DCHS2: variants seen among roughly 807,000 people sequenced by gnomAD.
DCHS2 encodes the protein dachsous cadherin-related 2.
DCHS2 carries 142 observed loss-of-function variants against 182.4 expected under a neutral mutation model. That is an observed-to-expected ratio of 0.78 (90% CI 0.68 to 0.89). The LOEUF (loss-of-function observed/expected upper bound fraction) is 0.89, where lower values mean the gene tolerates loss of function less well. Among genes scored for constraint, DCHS2 ranks in the 40% least tolerant of loss-of-function variants. The pLI is 0.00. For synonymous variants in DCHS2, 1,740 were observed against 1,663.3 expected, an observed-to-expected ratio of 1.05 and a Z score of -1.12; for missense variants, 4,319 against 4,198.6, an observed-to-expected ratio of 1.03 and a Z score of -0.79.
At chr4:154,439,767 C>T (rs1032336) in intron 1 of DCHS2, among the ~76,000 whole-genome samples, 69,885 of 151,944 alleles carry the variant, frequency 0.46, 16,569 homozygotes, top group Middle Eastern at 0.69. Flanking sequence ...TAACAAAATC[C>T]AGAGGTGTAT....
intron 3 of DCHS2, among the ~76,000 whole-genome samples, chr4:154,361,613 C>G (rs1730126377): frequency 1.3e-5 from 2 of 151,890 alleles, no homozygotes; most frequent in South Asian, 4.2e-4. Flanking sequence ...GAAATGAAGG[C>G]TCAACTCAGT....
rs903003710 is a variant in DCHS2, at chr4:154,314,750, C to T, written c.5260+998G>A. Reference sequence around the variant, plus strand: ...AAAATATTACATTGATATATAATGCCATTTGCTATATACAAACGTAAATTT... The same window carrying T: ...AAAATATTACATTGATATATAATGCTATTTGCTATATACAAACGTAAATTT... On this transcript the variant is annotated intron_variant, in intron 10 of 19. Transcript: ENST00000357232. Among the ~76,000 whole-genome samples the T allele has an allele frequency of 3.3e-5, 5 of 152,056 alleles. No homozygotes were observed. In the South Asian group the frequency reaches 6.3e-4, roughly 19 times the overall value.
chr4:154,252,981 C>T (rs977671637), intron 16 of DCHS2, among the ~76,000 whole-genome samples: 7 of 151,636 alleles, frequency 4.6e-5, no homozygotes, highest in Non-Finnish European at 7.4e-5. Context: ...AGACTGTTTC[C>T]AGAACATTCA....
chr4:154,474,757 T>C (rs1432054133), intron 1 of DCHS2, among the ~76,000 whole-genome samples: 1 of 152,090 alleles, frequency 6.6e-6, no homozygotes, highest in African/African-American at 2.4e-5. Context: ...TTCTTATCCA[T>C]GAAATAAGGA....
intron 14 of DCHS2, among the ~76,000 whole-genome samples, chr4:154,264,792 A>G (rs1390361514): frequency 2.0e-5 from 3 of 152,188 alleles, no homozygotes; most frequent in African/African-American, 7.2e-5. Flanking sequence ...AGAAAAAAAT[A>G]ATACTAGAAG....
chr4:154,287,628 G>A (rs781337645), intron 13 of DCHS2, among the ~76,000 whole-genome samples: 9 of 152,018 alleles, frequency 5.9e-5, no homozygotes, highest in Non-Finnish European at 1.3e-4. Flanking sequence ...TTACAGGTAT[G>A]TGCACCATAC....
At chr4:154,471,052 A>G (rs904834685) in intron 1 of DCHS2, among the ~76,000 whole-genome samples, 1 of 152,218 alleles carries the variant, frequency 6.6e-6, no homozygotes, top group Admixed American at 6.5e-5. Context: ...GATGAAGAGA[A>G]GAAACCTACA....
intron 1 of DCHS2, among the ~76,000 whole-genome samples, chr4:154,457,314 A>T (rs922052511): frequency 2.0e-5 from 3 of 152,140 alleles, no homozygotes; most frequent in African/African-American, 7.2e-5. Context: ...GCTAACTTTA[A>T]ATTGTCTAAC....
At chr4:154,385,427 G>T (rs1344972468) in intron 1 of DCHS2, among the ~76,000 whole-genome samples, 5 of 151,974 alleles carry the variant, frequency 3.3e-5, no homozygotes, top group Non-Finnish European at 5.9e-5. Context: ...ATAATCCTTT[G>T]GGTATATACC....
intron 17 of DCHS2, 100 bp from the exon 18 acceptor site, chr4:154,240,923 A>G: frequency 6.8e-7 from 1 of 1,474,398 alleles, no homozygotes; most frequent in Admixed American, 2.2e-5. Context: ...TAAGTCCAAT[A>G]TGATTTGCTC....
intron 3 of DCHS2, among the ~76,000 whole-genome samples, chr4:154,344,435 A>G (rs778366669): frequency 6.6e-6 from 1 of 152,238 alleles, no homozygotes; most frequent in Non-Finnish European, 1.5e-5. Context: ...GCAAATATGC[A>G]TATCTATACA....
chr4:154,334,917 A>G lies in DCHS2; in HGVS notation c.2664T>C (p.Asp888=), dbSNP rs2111370075. ...TTCCAATGGGACTATCTTCAGGCAC[A>G]TCTTCATAAACTAAGAAAGTGTACT... The part of the protein sequence containing the change: ...RPKYTFLVYE[D]VPEDSPIGTV... The change falls in exon 4 of 20, where the codon GAT becomes GAC. Residue 888 remains aspartate, a synonymous_variant. Transcript: ENST00000357232. 1.2e-6 allele frequency: 2 copies of G among 1,614,226 alleles called. No individual in the cohort carries two copies. Among genetic ancestry groups the G allele is most frequent in the Non-Finnish European group, 8.5e-7 (1 of 1,180,030 alleles).
At chr4:154,488,264 G>T (rs941200784) in intron 1 of DCHS2, among the ~76,000 whole-genome samples, 1 of 150,524 alleles carries the variant, frequency 6.6e-6, no homozygotes, top group African/African-American at 2.4e-5. Context: ...CATTCTGATA[G>T]TGAAGGAGAG....
At chr4:154,453,340 T>A (rs1178204588) in intron 1 of DCHS2, among the ~76,000 whole-genome samples, 2 of 124,480 alleles carry the variant, frequency 1.6e-5, no homozygotes, top group African/African-American at 6.2e-5. Flanking sequence ...GGGGTGGGGG[T>A]GGTGGGCAAA....
rs773962506 is a variant in DCHS2 at position 154,490,509 on chromosome 4, C to A, written c.847G>T (p.Glu283Ter). The change falls in exon 1 of 20, where the codon GAG becomes TAG. Residue 283 changes from glutamate to a stop codon, truncating the protein, a stop_gained. Coordinates refer to ENST00000357232, the MANE Select transcript of DCHS2 (RefSeq NM_001358235.2). LOFTEE classifies it high-confidence loss of function. ...TCGTTCTCATCCAGCACGCGCAGCT[C>A]CACGCTCAGGAGGCCGGTGCGCCGG... Reference protein sequence around the residue: ...RPRRTGLLSVELRVLDENDNP... With the variant: ...RPRRTGLLSV The A allele has an allele frequency of 6.5e-7, 1 of 1,537,412 alleles. No individual in the cohort carries two copies. The highest frequency in any genetic ancestry group is 2.0e-5 in the Admixed American group (1 of 50,946).
intron 1 of DCHS2, among the ~76,000 whole-genome samples, chr4:154,480,624 C>T (rs1298596325): frequency 6.6e-6 from 1 of 151,958 alleles, no homozygotes; most frequent in African/African-American, 2.4e-5. Context: ...AGCAAGTATG[C>T]AATAATTACA....
At chr4:154,446,354 G>T (rs1446732415) in intron 1 of DCHS2, among the ~76,000 whole-genome samples, 1 of 152,154 alleles carries the variant, frequency 6.6e-6, no homozygotes, top group African/African-American at 2.4e-5. Context: ...AGTTATCACA[G>T]ACCCGCTGTC....
At position 154,259,422 on chromosome 4, in the gene DCHS2, T is replaced by G. The variant is rs1732859200; in HGVS notation, c.6789+123A>C. Reference sequence around the variant, plus strand: ...TAAAATGTACATGGCCTGGAAAGAGTGTTGTACTACAGGGATTAGAAATTT... The same window carrying G: ...TAAAATGTACATGGCCTGGAAAGAGGGTTGTACTACAGGGATTAGAAATTT... On this transcript the variant is annotated intron_variant, in intron 15 of 19. Coordinates refer to ENST00000357232, the MANE Select transcript of DCHS2 (RefSeq NM_001358235.2). 45 of 1,453,250 alleles carry G rather than the reference T, an allele frequency of 3.1e-5. 1 individual carries two copies. The South Asian group carries it at 6.2e-4, about 20-fold the overall frequency. 90.0% of individuals were successfully genotyped at this position (1,453,250 alleles called of 1,614,324 possible). A position where few individuals can be genotyped will look rare whatever the true frequency, so the allele number is the denominator to read the frequency against.
In DCHS2 at chr4:154,236,620, T is replaced by C. The variant is rs759482503; in HGVS notation, c.8032A>G (p.Thr2678Ala). Residue 2678 changes from threonine to alanine, a missense_variant, in exon 20 of 20, where the codon ACC (threonine) becomes GCC (alanine). By Grantham distance (58) the Thr-to-Ala change is moderately conservative. Coordinates refer to ENST00000357232, the MANE Select transcript of DCHS2 (RefSeq NM_001358235.2). ...LSYHTHVKES[T>A]PLGSHITVVS... ...ACAGTGATGTGACTCCCTAGAGGGG[T>C]GCTTTCCTTGACATGGGTGTGATAG... The C allele has an allele frequency of 1.4e-5, 22 of 1,613,842 alleles. No homozygotes were observed. The highest frequency in any genetic ancestry group is 1.6e-5 in the Non-Finnish European group (19 of 1,179,924).
Sources: gnomAD v4.1 joint callset for allele counts (sites outside exome capture counted in the v4.1 genomes callset) on GRCh38, gnomAD v4.1.1 for gene constraint, MANE v1.5 for transcripts, NCBI Gene and HGNC (gene_info 2026-07-23, HGNC 2026-07-21) for gene names.